EGLN3: variants seen among roughly 807,000 people sequenced by gnomAD.
EGLN3 encodes prolyl hydroxylase EGLN3.
In EGLN3, 15 loss-of-function variants were observed where a neutral mutation model predicts 26.0. That is an observed-to-expected ratio of 0.58 (90% CI 0.39 to 0.89). EGLN3 has a LOEUF of 0.89. EGLN3 is among the 40% of genes least tolerant of loss of function. The probability of loss-of-function intolerance (pLI) is 0.00; values close to 1 mark genes in which losing one functional copy is unlikely to be tolerated. For synonymous variants in EGLN3, 147 were observed against 127.2 expected (o/e 1.16, Z -1.05); for missense variants, 238 against 311.6 (o/e 0.76, Z 1.78).
At chr14:33,946,550 C>T (rs796926582) in intron 1 of EGLN3, among the ~76,000 whole-genome samples, 5 of 152,142 alleles carry the variant, frequency 3.3e-5, no homozygotes, top group African/African-American at 1.2e-4. Context: ...AGTATAAATT[C>T]GTTCATCATG....
chr14:33,943,973 C>T (rs1478593313), intron 1 of EGLN3, among the ~76,000 whole-genome samples: 2 of 152,166 alleles, frequency 1.3e-5, no homozygotes, highest in Non-Finnish European at 2.9e-5. Flanking sequence ...GCTTGCATAA[C>T]TCCACTTAAG....
At chr14:33,948,335 A>T (rs2064531845) in intron 1 of EGLN3, 1 of 152,222 alleles carries the variant, frequency 6.6e-6, no homozygotes, top group African/African-American at 2.4e-5. Context: ...ACTTAAAAAA[A>T]ATTTAACTAC....
At chr14:33,929,787 C>G (rs1040482558) in intron 2 of EGLN3, among the ~76,000 whole-genome samples, 1 of 152,108 alleles carries the variant, frequency 6.6e-6, no homozygotes, top group African/African-American at 2.4e-5. Context: ...TGAATCATAC[C>G]GATTTGCCAA....
At chr14:33,949,910 A>G (rs901968937) in intron 1 of EGLN3, 2 of 224,324 alleles carry the variant, frequency 8.9e-6, no homozygotes, top group African/African-American at 4.6e-5. Flanking sequence ...CCACAAACCA[A>G]CTGCCACATG....
At chr14:33,932,013 G>A (rs1343699168) in intron 1 of EGLN3, among the ~76,000 whole-genome samples, 1 of 152,164 alleles carries the variant, frequency 6.6e-6, no homozygotes, top group Non-Finnish European at 1.5e-5. Context: ...ATTGTTCCAA[G>A]GGAAAAATTA....
Position 33,939,413 on chromosome 14 carries a change from T to C in EGLN3, c.358-8198A>G, listed in dbSNP as rs542652153. ...TTTTAGTAGAGACTGGGTTTCACTT[T>C]GTTAGCCAGGATGGTCTCTATCTCC... On this transcript the variant is annotated intron_variant, in intron 1 of 4. Transcript: ENST00000250457. Among the ~76,000 whole-genome samples, 62 of 152,274 alleles carry C rather than the reference T, an allele frequency of 4.1e-4. No individual in the cohort carries two copies. In the Middle Eastern group the frequency reaches 0.01, roughly 25 times the overall value.
intron 1 of EGLN3, among the ~76,000 whole-genome samples, chr14:33,931,923 A>G (rs983865841): frequency 5.3e-5 from 8 of 152,252 alleles, no homozygotes; most frequent in African/African-American, 1.9e-4. Context: ...TGCTACCTGT[A>G]TCAACCAGGT....
At chr14:33,945,593 G>C (rs1337745138) in intron 1 of EGLN3, among the ~76,000 whole-genome samples, 2 of 152,220 alleles carry the variant, frequency 1.3e-5, no homozygotes, top group African/African-American at 4.8e-5. Flanking sequence ...TTGAAAAGAG[G>C]ATAAGAAATG....
At chr14:33,945,940 G>T (rs1297812372) in intron 1 of EGLN3, among the ~76,000 whole-genome samples, 1 of 152,144 alleles carries the variant, frequency 6.6e-6, no homozygotes, top group Non-Finnish European at 1.5e-5. Context: ...TAAATGTTTT[G>T]CTGTTTCATC....
chr14:33,935,228 T>C (rs2064432607), intron 1 of EGLN3, among the ~76,000 whole-genome samples: 1 of 152,214 alleles, frequency 6.6e-6, no homozygotes, highest in South Asian at 2.1e-4. Flanking sequence ...ACTAAGTGCT[T>C]AATAAATGTT....
intron 1 of EGLN3, among the ~76,000 whole-genome samples, chr14:33,936,918 T>C (rs189985410): frequency 5.9e-5 from 9 of 152,258 alleles, no homozygotes; most frequent in Admixed American, 4.6e-4. Context: ...ACTCAAAAAA[T>C]CATTTGCAAC....
In EGLN3 at chr14:33,925,909, A is replaced by G; in HGVS notation, c.702T>C (p.Ser234=). 2 of 1,612,058 alleles carry G rather than the reference A, an allele frequency of 1.2e-6. No homozygotes were observed. Among genetic ancestry groups the G allele is most frequent in the Non-Finnish European group, 1.7e-6 (2 of 1,179,142 alleles). The change falls in exon 5 of 5, where the codon TCT becomes TCC. Residue 234 remains serine, a synonymous_variant. Coordinates refer to ENST00000250457, the MANE Select transcript of EGLN3 (RefSeq NM_022073.4). Reference sequence around the variant, plus strand: ...AGCACGGTCAGTCTTCAGTGAGGGCAGATTCAGTTTTCCCTGGGTTGGGGA... The same window carrying G: ...AGCACGGTCAGTCTTCAGTGAGGGCGGATTCAGTTTTCCCTGGGTTGGGGA... ...KFRNLTRKTE[S]ALTED
intron 1 of EGLN3, among the ~76,000 whole-genome samples, chr14:33,942,743 T>C (rs948392971): frequency 6.6e-6 from 1 of 152,248 alleles, no homozygotes; most frequent in Non-Finnish European, 1.5e-5. Context: ...TCTGGAATTA[T>C]TTTTGTATGG....
At chr14:33,930,276 C>A (rs746030695) in intron 2 of EGLN3, among the ~76,000 whole-genome samples, 1 of 152,136 alleles carries the variant, frequency 6.6e-6, no homozygotes, top group Non-Finnish European at 1.5e-5. Context: ...GGATGTATTC[C>A]AGTCATGTTA....
At chr14:33,938,441 G>A (rs1033881560) in intron 1 of EGLN3, among the ~76,000 whole-genome samples, 4 of 152,198 alleles carry the variant, frequency 2.6e-5, no homozygotes, top group Admixed American at 6.5e-5. Flanking sequence ...CGCCCTTCCC[G>A]TGGAGGACTG....
intron 1 of EGLN3, among the ~76,000 whole-genome samples, chr14:33,940,538 C>G (rs916473397): frequency 2.6e-5 from 4 of 152,040 alleles, no homozygotes. Flanking sequence ...CAAACTTTAG[C>G]ATGTATGAGA....
chr14:33,930,665 G>C (rs2064396238), intron 2 of EGLN3, among the ~76,000 whole-genome samples: 1 of 152,178 alleles, frequency 6.6e-6, no homozygotes, highest in Admixed American at 6.5e-5. Context: ...GGAGAGGACT[G>C]TGTGGGAAAT....
At chr14:33,949,264 T>A (rs1262924269) in intron 1 of EGLN3, 1 of 152,222 alleles carries the variant, frequency 6.6e-6, no homozygotes, top group Non-Finnish European at 1.5e-5. Context: ...TTATTCAGAG[T>A]GTTCCTCTCA....
At chr14:33,950,064 A>C in intron 1 of EGLN3, 1 of 584,998 alleles carries the variant, frequency 1.7e-6, no homozygotes, top group Non-Finnish European at 3.0e-6. Context: ...CAGTGTTTCC[A>C]ATACCCTTTC....
Sources: gnomAD v4.1 joint callset for allele counts (sites outside exome capture counted in the v4.1 genomes callset) on GRCh38, gnomAD v4.1.1 for gene constraint, MANE v1.5 for transcripts, NCBI Gene and HGNC (gene_info 2026-07-23, HGNC 2026-07-21) for gene names.